DPY19L3: variants seen among roughly 807,000 people sequenced by gnomAD.
DPY19L3 encodes dpy-19 like C-mannosyltransferase 3.
In DPY19L3, 51 loss-of-function variants were observed where a neutral mutation model predicts 92.3. That is an observed-to-expected ratio of 0.55 (90% CI 0.44 to 0.70). The LOEUF is 0.70. DPY19L3 is among the 30% of genes least tolerant of loss of function. DPY19L3 has a pLI of 0.00. For synonymous variants in DPY19L3, 309 were observed against 315.2 expected (o/e 0.98, Z 0.21); for missense variants, 706 against 855.9 (o/e 0.82, Z 2.18).
At chr19:32,434,392 C>T (rs904336830) in intron 4 of DPY19L3, among the ~76,000 whole-genome samples, 1 of 152,110 alleles carries the variant, frequency 6.6e-6, no homozygotes, top group Non-Finnish European at 1.5e-5. Context: ...CGCAGTGGCT[C>T]ACTCCTGTAG....
At chr19:32,438,738 A>G (rs966010818) in intron 6 of DPY19L3, among the ~76,000 whole-genome samples, 4 of 152,184 alleles carry the variant, frequency 2.6e-5, no homozygotes, top group African/African-American at 9.7e-5. Context: ...ACTCAAGTAT[A>G]AAAAACACCA....
intron 3 of DPY19L3, among the ~76,000 whole-genome samples, chr19:32,419,556 C>T (rs1037702026): frequency 4.0e-5 from 6 of 151,884 alleles, no homozygotes; most frequent in African/African-American, 9.7e-5. Context: ...AACTCCTGGG[C>T]TCAAGCAGTC....
intron 1 of DPY19L3, among the ~76,000 whole-genome samples, chr19:32,406,637 C>G (rs1831439426): frequency 6.6e-6 from 1 of 152,184 alleles, no homozygotes; most frequent in African/African-American, 2.4e-5. Context: ...CATGAGCCGC[C>G]TCGCCCGGCT....
intron 8 of DPY19L3, among the ~76,000 whole-genome samples, chr19:32,449,441 A>G (rs757781295): frequency 4.6e-5 from 7 of 152,120 alleles, no homozygotes; most frequent in Non-Finnish European, 7.4e-5. Context: ...TCATATGGAA[A>G]CTCAGGGGAC....
chr19:32,434,083 A>G (rs1020199628), intron 4 of DPY19L3, among the ~76,000 whole-genome samples: 5 of 152,156 alleles, frequency 3.3e-5, no homozygotes, highest in African/African-American at 4.8e-5. Context: ...TCCCCATACA[A>G]TCAAACCTTG....
intron 8 of DPY19L3, among the ~76,000 whole-genome samples, chr19:32,442,514 A>C (rs1335702087): frequency 6.6e-6 from 1 of 152,194 alleles, no homozygotes; most frequent in Non-Finnish European, 1.5e-5. Flanking sequence ...TATGTATATA[A>C]CAAACATAAG....
At chr19:32,457,639 C>T (rs968155324) in intron 10 of DPY19L3, among the ~76,000 whole-genome samples, 2 of 152,136 alleles carry the variant, frequency 1.3e-5, no homozygotes, top group Non-Finnish European at 2.9e-5. Context: ...TTACAACTGT[C>T]TTGAATTGTC....
intron 16 of DPY19L3, among the ~76,000 whole-genome samples, chr19:32,476,647 A>C (rs1431846208): frequency 6.6e-6 from 1 of 151,890 alleles, no homozygotes; most frequent in African/African-American, 2.4e-5. Flanking sequence ...CTTGGTCCCT[A>C]GTCCCTGCCC....
intron 18 of DPY19L3, chr19:32,481,281 G>C (rs529435389): frequency 6.6e-6 from 1 of 152,446 alleles, no homozygotes; most frequent in Non-Finnish European, 1.5e-5. Context: ...AATCTTGACT[G>C]TACAGAATTT....
At chr19:32,420,443 G>T in intron 3 of DPY19L3, among the ~76,000 whole-genome samples, 1 of 148,020 alleles carries the variant, frequency 6.8e-6, no homozygotes, top group East Asian at 2.0e-4. Flanking sequence ...TAGTAGTTTT[G>T]TTTTTTTTTG....
At chr19:32,469,222 C>T (rs1336725329) in intron 16 of DPY19L3, 1 of 158,968 alleles carries the variant, frequency 6.3e-6, no homozygotes, top group Non-Finnish European at 1.4e-5. Flanking sequence ...TCTGGCCGGG[C>T]TCAATGGCTC....
At chr19:32,457,085 C>G (rs2145574881) in intron 10 of DPY19L3, among the ~76,000 whole-genome samples, 1 of 152,302 alleles carries the variant, frequency 6.6e-6, no homozygotes, top group East Asian at 1.9e-4. Context: ...TTGGCCCACT[C>G]TACACATTCA....
intron 12 of DPY19L3, 126 bp from the exon 13 acceptor site, chr19:32,463,240 C>T (rs1970095827): frequency 1.9e-6 from 2 of 1,065,470 alleles, no homozygotes; most frequent in Non-Finnish European, 2.7e-6. Context: ...GAATTCATTT[C>T]ATCTTATGGA....
intron 3 of DPY19L3, among the ~76,000 whole-genome samples, chr19:32,423,075 C>T (rs1200196796): frequency 1.3e-5 from 2 of 152,114 alleles, no homozygotes; most frequent in East Asian, 3.8e-4. Flanking sequence ...GGAAAAACTT[C>T]ATCCATCCAT....
At chr19:32,411,112 T>C (rs754010769) in intron 2 of DPY19L3, 127 bp from the exon 3 acceptor site, 1 of 933,440 alleles carries the variant, frequency 1.1e-6, no homozygotes, top group Non-Finnish European at 1.6e-6. Context: ...GACCCTCCGC[T>C]GGAGACAGGA....
At chr19:32,475,714 C>T (rs563996675) in intron 16 of DPY19L3, among the ~76,000 whole-genome samples, 52 of 152,346 alleles carry the variant, frequency 3.4e-4, no homozygotes, top group Non-Finnish European at 6.9e-4. Flanking sequence ...ATTCTGTGCA[C>T]CTTCACGTTT....
At chr19:32,462,660 G>A (rs1366683228) in intron 12 of DPY19L3, among the ~76,000 whole-genome samples, 1 of 152,046 alleles carries the variant, frequency 6.6e-6, no homozygotes, top group Non-Finnish European at 1.5e-5. Context: ...CAAACAAATG[G>A]CCTGTTTTTT....
chr19:32,469,878 C>G (rs1329527009), intron 16 of DPY19L3, among the ~76,000 whole-genome samples: 1 of 152,242 alleles, frequency 6.6e-6, no homozygotes, highest in African/African-American at 2.4e-5. Flanking sequence ...CTACTTTTAA[C>G]CAGAAAGCAG....
intron 3 of DPY19L3, among the ~76,000 whole-genome samples, chr19:32,428,993 G>A (rs113006378): frequency 0.011 from 1,673 of 152,050 alleles, 12 homozygotes; most frequent in Non-Finnish European, 0.018. Flanking sequence ...GATTACAGGC[G>A]CCTGCCACCG....
Sources: allele counts gnomAD v4.1 joint callset (sites outside exome capture counted in the v4.1 genomes callset), GRCh38; gene constraint gnomAD v4.1.1; transcripts MANE v1.5; gene names NCBI Gene and HGNC (gene_info 2026-07-23, HGNC 2026-07-21).